Variants in GALNT18 observed in about 807,000 individuals in gnomAD.
GALNT18 encodes the protein GalNAc-transferase 18.
GALNT18 carries 44 observed loss-of-function variants against 69.5 expected under a neutral mutation model. The ratio of observed to expected loss-of-function variants is 0.63; its 90% CI spans 0.50 to 0.81. The LOEUF (loss-of-function observed/expected upper bound fraction) is 0.81. Among genes scored for constraint, GALNT18 ranks in the 40% least tolerant of loss-of-function variants. The pLI is 0.00. For synonymous variants in GALNT18, 364 were observed against 318.2 expected (o/e 1.14, Z -1.53); for missense variants, 715 against 810.0 (o/e 0.88, Z 1.42).
At chr11:11,428,856 G>A (rs1855199506) in intron 3 of GALNT18, among the ~76,000 whole-genome samples, 1 of 152,212 alleles carries the variant, frequency 6.6e-6, no homozygotes, top group African/African-American at 2.4e-5. Flanking sequence ...GTGAGGGTAA[G>A]TATTGTTTCT....
At chr11:11,406,494 T>A (rs1854590866) in intron 3 of GALNT18, among the ~76,000 whole-genome samples, 1 of 152,226 alleles carries the variant, frequency 6.6e-6, no homozygotes, top group African/African-American at 2.4e-5. Flanking sequence ...CGCTGATATT[T>A]CCAGCCCCCT....
chr11:11,401,175 G>C (rs535145765), intron 3 of GALNT18, among the ~76,000 whole-genome samples: 44 of 152,274 alleles, frequency 2.9e-4, no homozygotes, highest in African/African-American at 1.1e-3. Flanking sequence ...CAGGAAAAAG[G>C]ATGCTTCTGG....
intron 1 of GALNT18, among the ~76,000 whole-genome samples, chr11:11,482,654 A>T (rs2133871694): frequency 6.6e-6 from 1 of 152,350 alleles, no homozygotes; most frequent in Non-Finnish European, 1.5e-5. Context: ...GTGGGAAATC[A>T]GAAACATGGC....
intron 10 of GALNT18, among the ~76,000 whole-genome samples, chr11:11,288,150 T>A (rs1849227980): frequency 6.6e-6 from 1 of 152,122 alleles, no homozygotes; most frequent in African/African-American, 2.4e-5. Flanking sequence ...TCCCCATTCC[T>A]TCCTTCTGCT....
intron 1 of GALNT18, among the ~76,000 whole-genome samples, chr11:11,574,322 A>T (rs1348709338): frequency 6.6e-6 from 1 of 152,182 alleles, no homozygotes; most frequent in Non-Finnish European, 1.5e-5. Flanking sequence ...CTCAGACCAG[A>T]AATCTGGTCA....
chr11:11,312,749 T>A (rs118087197), intron 9 of GALNT18, among the ~76,000 whole-genome samples: 2 of 152,204 alleles, frequency 1.3e-5, no homozygotes, highest in African/African-American at 2.4e-5. Flanking sequence ...TGCAGGCTGC[T>A]AGGAGGGCTC....
At chr11:11,351,962 G>A (rs763094647) in intron 6 of GALNT18, 217 of 1,603,180 alleles carry the variant, frequency 1.4e-4, no homozygotes, top group Non-Finnish European at 1.7e-4. Context: ...GAGCGCCAGT[G>A]GCAGCTGGAA....
Position 11,377,119 on chromosome 11 carries a change from C to G in GALNT18, c.977+63G>C, listed in dbSNP as rs1056865024. The G allele has an allele frequency of 2.7e-6, 4 of 1,492,554 alleles. No homozygotes were observed. The highest frequency in any genetic ancestry group is 3.7e-6 in the Non-Finnish European group (4 of 1,076,920). 92.5% of individuals were successfully genotyped at this position (1,492,554 alleles called of 1,614,324 possible). ...TCAAGTTGGAGAATAAGCATTGGACCAGTAGGCGGTCCCTAGCCTGGAGGT... is the reference window on the plus strand; with the variant it reads ...TCAAGTTGGAGAATAAGCATTGGACGAGTAGGCGGTCCCTAGCCTGGAGGT... On this transcript the variant is annotated intron_variant, in intron 5 of 10. Coordinates refer to ENST00000227756, the MANE Select transcript of GALNT18 (RefSeq NM_198516.3). This position sits in a 1 kb window ranked among gnomAD's most constrained non-coding sequence, Gnocchi z 4.6.
chr11:11,490,445 C>T (rs1211352803), intron 1 of GALNT18, among the ~76,000 whole-genome samples: 1 of 152,094 alleles, frequency 6.6e-6, no homozygotes, highest in East Asian at 1.9e-4. Context: ...GCCTTACCTC[C>T]TAAGGCTGTT....
In GALNT18 at chr11:11,618,985, T is replaced by C. The variant is rs952745523; in HGVS notation, c.235+2374A>G. ...GATCTTATTGTCCTTTACCACCCTC[T>C]GCCTTCAGAGAGCTGCACTTGACCA... On this transcript the variant is annotated intron_variant, in intron 1 of 10. Transcript: ENST00000227756. This position sits in a 1 kb window ranked among gnomAD's most constrained non-coding sequence, Gnocchi z 6.1. Among the ~76,000 whole-genome samples the C allele has an allele frequency of 1.3e-5, 2 of 152,220 alleles. No homozygotes were observed. The highest frequency in any genetic ancestry group is 2.9e-5 in the Non-Finnish European group (2 of 68,042).
At chr11:11,371,312 C>T (rs1850898984) in intron 6 of GALNT18, among the ~76,000 whole-genome samples, 1 of 152,140 alleles carries the variant, frequency 6.6e-6, no homozygotes, top group Non-Finnish European at 1.5e-5. Context: ...CAGTTGCCTG[C>T]CTGGTGGGGT....
intron 3 of GALNT18, among the ~76,000 whole-genome samples, chr11:11,403,904 C>G (rs1160100686): frequency 1.3e-5 from 2 of 152,220 alleles, no homozygotes; most frequent in Non-Finnish European, 1.5e-5. Flanking sequence ...GTGGATGGTA[C>G]AGAGGAAACC....
rs1859975681 is a variant in GALNT18, at chr11:11,613,857, C to A, written c.235+7502G>T. Among the ~76,000 whole-genome samples the A allele has an allele frequency of 6.6e-6, 1 of 152,202 alleles. No individual in the cohort carries two copies. The highest frequency in any genetic ancestry group is 1.5e-5 in the Non-Finnish European group (1 of 68,048). ...TCATCCAACTTGTATGGCTTCTGCC[C>A]TTCCGCTTCATGCATAATTCCATCT... On this transcript the variant is annotated intron_variant, in intron 1 of 10. Transcript: ENST00000227756. This position sits in a 1 kb window ranked among gnomAD's most constrained non-coding sequence, Gnocchi z 4.2.
rs141146245 is a variant in GALNT18 at position 11,281,539 on chromosome 11, C to T, written c.1678-10249G>A. ...TGCCAACAGCGAGGTGCTGTGCAGA[C>T]CCCAGACAACCAACTCTTGGAGAAA... On this transcript the variant is annotated intron_variant, in intron 10 of 10. Coordinates refer to ENST00000227756, the MANE Select transcript of GALNT18 (RefSeq NM_198516.3). Among the ~76,000 whole-genome samples, 214 of 152,294 alleles carry T rather than the reference C, an allele frequency of 1.4e-3. 2 individuals are homozygous for T. The highest frequency in any genetic ancestry group is 0.01 in the Middle Eastern group (3 of 294).
chr11:11,452,522 G>A (rs1332613016), intron 1 of GALNT18, among the ~76,000 whole-genome samples: 2 of 152,230 alleles, frequency 1.3e-5, no homozygotes, highest in African/African-American at 2.4e-5. Context: ...TCTAGAAGAT[G>A]CTGACGCCTT....
rs147830548 is a variant in GALNT18 at position 11,620,038 on chromosome 11, A to G, written c.235+1321T>C. 2.0e-3 allele frequency among the ~76,000 whole-genome samples: 307 copies of G among 152,036 alleles called. No homozygotes were observed. Among genetic ancestry groups the G allele is most frequent in the African/African-American group, 7.2e-3 (297 of 41,438 alleles). On this transcript the variant is annotated intron_variant, in intron 1 of 10. Coordinates refer to ENST00000227756, the MANE Select transcript of GALNT18 (RefSeq NM_198516.3). The surrounding 1 kb of genome is among the most constrained non-coding windows in gnomAD (Gnocchi z 6.9). ...ATTCTGGACACCTGGGGAAACACCAAATTCAGACGGAGGAGCCATCTCTAC... is the reference window on the plus strand; with the variant it reads ...ATTCTGGACACCTGGGGAAACACCAGATTCAGACGGAGGAGCCATCTCTAC...
In GALNT18 at chr11:11,460,273, G is replaced by A. The variant is rs370210125; in HGVS notation, c.236-11337C>T. On this transcript the variant is annotated intron_variant, in intron 1 of 10. Coordinates refer to ENST00000227756, the MANE Select transcript of GALNT18 (RefSeq NM_198516.3). ...GGCCATTACTCTGCTACCATAGCAAGAGTCCAATCATTGTGTGGCTTTTCC... is the reference window on the plus strand; with the variant it reads ...GGCCATTACTCTGCTACCATAGCAAAAGTCCAATCATTGTGTGGCTTTTCC... Among the ~76,000 whole-genome samples, 14 of 152,330 alleles carry A rather than the reference G, an allele frequency of 9.2e-5. No individual in the cohort carries two copies. In the East Asian group the frequency reaches 2.3e-3, roughly 25 times the overall value.
chr11:11,448,783 A>G lies in GALNT18; in HGVS notation c.389T>C (p.Leu130Pro). 1 of 1,612,970 alleles carries G rather than the reference A, an allele frequency of 6.2e-7. No individual in the cohort carries two copies. The highest frequency in any genetic ancestry group is 1.1e-5 in the South Asian group (1 of 91,034). Residue 130 changes from leucine (L) to proline (P), a missense_variant, in exon 2 of 11, where the codon CTG (leucine) becomes CCG (proline). Physicochemically the swap from Leu to Pro is moderately conservative, Grantham distance 98. Transcript: ENST00000227756. ...YGYNAYLSDR[L>P]PLDRPLPDLR... ...GTCAGGCAGGGGCCGGTCCAGGGGC[A>G]GGCGGTCGCTGAGGTAGGCGTTGTA...
At position 11,583,871 on chromosome 11, in the gene GALNT18, C is replaced by G. The variant is rs1463989068; in HGVS notation, c.235+37488G>C. 1.3e-5 allele frequency among the ~76,000 whole-genome samples: 2 copies of G among 152,074 alleles called. No homozygotes were observed. Among genetic ancestry groups the G allele is most frequent in the African/African-American group, 4.8e-5 (2 of 41,408 alleles). On this transcript the variant is annotated intron_variant, in intron 1 of 10. Transcript: ENST00000227756. The surrounding 1 kb of genome is among the most constrained non-coding windows in gnomAD (Gnocchi z 4.7). The stretch of plus-strand genomic sequence containing the variant: ...AAGAAATAGCCCTGTCTGCAAGGAG[C>G]AGATGATCTCAATATCATTATAAGG...
Sources: gnomAD v4.1 joint callset for allele counts (sites outside exome capture counted in the v4.1 genomes callset) on GRCh38, gnomAD v4.1.1 for gene constraint, Gnocchi (gnomAD v3.1) non-coding constraint, MANE v1.5 for transcripts, NCBI Gene and HGNC (gene_info 2026-07-23, HGNC 2026-07-21) for gene names.